L3MBTL1: variants seen among roughly 807,000 people sequenced by gnomAD.
L3MBTL1 encodes L3MBTL histone methyl-lysine binding protein 1, also known as lethal(3)malignant brain tumor-like protein 1.
A neutral mutation model predicts 105.3 loss-of-function variants in L3MBTL1; 75 were observed. The ratio of observed to expected loss-of-function variants is 0.71; its 90% CI spans 0.59 to 0.86. The LOEUF (loss-of-function observed/expected upper bound fraction) is 0.86. L3MBTL1 is among the 40% of genes least tolerant of loss of function. The pLI, the probability that L3MBTL1 is intolerant of heterozygous loss-of-function variation, is 0.00. For synonymous variants in L3MBTL1, 452 were observed against 436.2 expected, an observed-to-expected ratio of 1.04 and a Z score of -0.45; for missense variants, 1,069 against 1,126.4, an observed-to-expected ratio of 0.95 and a Z score of 0.73.
In L3MBTL1 at chr20:43,522,457, G is replaced by GTTTTTTTTTTTTTTTTTTT. The variant is rs1176856356; in HGVS notation, c.863-6187_863-6169dup. Among the ~76,000 whole-genome samples the GTTTTTTTTTTTTTTTTTTT allele has an allele frequency of 2.3e-4, 22 of 95,884 alleles. 1 individual carries two copies. Among genetic ancestry groups the GTTTTTTTTTTTTTTTTTTT allele is most frequent in the East Asian group, 7.5e-4 (2 of 2,654 alleles). 62.9% of individuals were successfully genotyped at this position (95,884 alleles called of 152,430 possible). ...TGGTAACTGAATTTTTCCCTGCTAAGTTTTTTTTTTTTTTTTTTTTTTTTT... is the reference window on the plus strand; with the variant it reads ...TGGTAACTGAATTTTTCCCTGCTAAGTTTTTTTTTTTTTTTTTTTTTTTTTTTTTTTTTTTTTTTTTTTT... On this transcript the variant is annotated intron_variant, in intron 7 of 21. Coordinates refer to ENST00000418998, the MANE Select transcript of L3MBTL1 (RefSeq NM_001377303.1).
chr20:43,538,252 C>T (rs2145485180), intron 19 of L3MBTL1, among the ~76,000 whole-genome samples: 1 of 152,300 alleles, frequency 6.6e-6, no homozygotes, highest in South Asian at 2.1e-4. Context: ...CACTGCAGGA[C>T]CAAGTTCTGA....
At position 43,534,283 on chromosome 20, in the gene L3MBTL1, G is replaced by A; in HGVS notation, c.1600-1G>A. ...CCTGAAGGCAGCTGTCCCCTCTGCA[G>A]CGACCCCCTCACAGCTTCCTGGTCA... On this transcript the variant is annotated splice_acceptor_variant, in intron 14 of 21. Coordinates refer to ENST00000418998, the MANE Select transcript of L3MBTL1 (RefSeq NM_001377303.1). LOFTEE classifies it high-confidence loss of function. The A allele has an allele frequency of 6.2e-7, 1 of 1,613,508 alleles. No individual in the cohort carries two copies. Among genetic ancestry groups the A allele is most frequent in the Non-Finnish European group, 8.5e-7 (1 of 1,179,854 alleles).
intron 7 of L3MBTL1, among the ~76,000 whole-genome samples, chr20:43,521,608 T>C (rs1173024514): frequency 6.6e-6 from 1 of 152,176 alleles, no homozygotes. Context: ...CCTTAGTAAC[T>C]GAAGAGAGCA....
chr20:43,530,595 C>A, intron 10 of L3MBTL1, 176 bp downstream of exon 10: 1 of 787,616 alleles, frequency 1.3e-6, no homozygotes, highest in Non-Finnish European at 2.0e-6. Flanking sequence ...TGACCAGAAG[C>A]CCTAGAACTT....
chr20:43,515,445 G>T (rs1047181187), intron 6 of L3MBTL1, 30 bp downstream of exon 6: 13 of 1,546,414 alleles, frequency 8.4e-6, no homozygotes, highest in Non-Finnish European at 1.1e-5. Context: ...GAAGGGAGGG[G>T]GAAGCTATAG....
chr20:43,521,249 G>T (rs936130101), intron 7 of L3MBTL1, among the ~76,000 whole-genome samples: 1 of 152,200 alleles, frequency 6.6e-6, no homozygotes, highest in African/African-American at 2.4e-5. Context: ...ATGACTGCTT[G>T]TAATTAATTG....
At chr20:43,515,551 GT>G in intron 6 of L3MBTL1, 136 bp downstream of exon 6, 1 of 1,204,790 alleles carries the variant, frequency 8.3e-7, no homozygotes, top group Non-Finnish European at 1.1e-6. Flanking sequence ...ATATTTTGGG[GT>G]CCCATCCTGA....
Position 43,540,733 on chromosome 20 carries a change from T to A in L3MBTL1, c.2332-20T>A. Reference sequence around the variant, plus strand: ...CCTAAGCTCTGTCCCCTGGTCAACATGTCATCTTTGGTTTCCAAGGTCTTC... The same window carrying A: ...CCTAAGCTCTGTCCCCTGGTCAACAAGTCATCTTTGGTTTCCAAGGTCTTC... On this transcript the variant is annotated intron_variant, in intron 20 of 21. Coordinates refer to ENST00000418998, the MANE Select transcript of L3MBTL1 (RefSeq NM_001377303.1). 6.2e-7 allele frequency: 1 copy of A among 1,613,752 alleles called. No homozygotes were observed. The highest frequency in any genetic ancestry group is 8.5e-7 in the Non-Finnish European group (1 of 1,179,806).
chr20:43,548,033 C>T, intron 18 of L3MBTL1: 1 of 1,020,934 alleles, frequency 9.8e-7, no homozygotes, highest in Non-Finnish European at 1.3e-6. Flanking sequence ...CCCATGCACA[C>T]CCCTCCCTTT....
chr20:43,542,841 A>G (rs1352932619), downstream of L3MBTL1, among the ~76,000 whole-genome samples: 1 of 152,114 alleles, frequency 6.6e-6, no homozygotes, highest in Non-Finnish European at 1.5e-5. Flanking sequence ...AGGCTTCTCC[A>G]CGTTGTTATC....
At chr20:43,514,140 G>A (rs2018228568) in intron 3 of L3MBTL1, 79 bp downstream of exon 3, 2 of 1,259,116 alleles carry the variant, frequency 1.6e-6, no homozygotes, top group Admixed American at 4.1e-5. Context: ...GGCTGGACCT[G>A]AGACGGAAGT....
At position 43,514,015 on chromosome 20, in the gene L3MBTL1, T is replaced by C. The variant is rs916818457; in HGVS notation, c.314T>C (p.Leu105Pro). The C allele has an allele frequency of 4.5e-6, 7 of 1,540,566 alleles. No individual in the cohort carries two copies. The African/African-American group carries it at 8.2e-5, about 18-fold the overall frequency. ...ASSSTSTVRL[L>P]EWTEAAAPPP... ...TCCAGCACCAGCACAGTGCGGCTTC[T>C]GGAATGGACAGAGGCCGCGGCCCCG... Residue 105 changes from leucine to proline, a missense_variant, in exon 3 of 22, where the codon CTG becomes CCG. Transcript: ENST00000418998.
chr20:43,533,889 G>A, intron 13 of L3MBTL1, 119 bp from the exon 14 acceptor site: 1 of 750,540 alleles, frequency 1.3e-6, no homozygotes, highest in Non-Finnish European at 2.4e-6. Flanking sequence ...TGTGGTGATG[G>A]TGGGAGAGAT....
At position 43,540,158 on chromosome 20, in the gene L3MBTL1, G is replaced by T. The variant is rs778579008; in HGVS notation, c.2181G>T (p.Thr727=). The change falls in exon 20 of 22, where the codon ACG becomes ACT. Residue 727 remains threonine (T), a synonymous_variant. Coordinates refer to ENST00000418998, the MANE Select transcript of L3MBTL1 (RefSeq NM_001377303.1). ...KIPQEDFQTL[T]PDVVHQSLFM... is the part of the protein sequence containing the mutation. ...TCTGCCTCTGCTTTCCAGCCCTCAC[G>T]CCCGATGTCGTGCACCAGTCCCTCT... 4 of 1,611,668 alleles carry T rather than the reference G, an allele frequency of 2.5e-6. No individual in the cohort carries two copies. The highest frequency in any genetic ancestry group is 2.2e-5 in the East Asian group (1 of 44,876).
chr20:43,533,570 A>T (rs1221091464), intron 13 of L3MBTL1, 152 bp downstream of exon 13: 2 of 637,436 alleles, frequency 3.1e-6, no homozygotes, highest in Non-Finnish European at 5.2e-6. Flanking sequence ...TTGGCCTGGG[A>T]GTTGAGAACC....
At position 43,511,145 on chromosome 20, in the gene L3MBTL1, C is replaced by T. The variant is rs549965144; in HGVS notation, c.-28-2331C>T. Among the ~76,000 whole-genome samples the T allele has an allele frequency of 1.2e-4, 18 of 152,026 alleles. No homozygotes were observed. In the South Asian group the frequency reaches 1.5e-3, roughly 12 times the overall value. On this transcript the variant is annotated intron_variant, in intron 1 of 21. Coordinates refer to ENST00000418998, the MANE Select transcript of L3MBTL1 (RefSeq NM_001377303.1). ...ACTGCAACCTCTACCCTCCACCTCC[C>T]GGGTTCAAGCGATTCTCCTGCCTCA...
chr20:43,527,474 A>G (rs1171724599), intron 7 of L3MBTL1, among the ~76,000 whole-genome samples: 7 of 152,100 alleles, frequency 4.6e-5, no homozygotes, highest in Non-Finnish European at 8.8e-5. Flanking sequence ...AGGAGTATTC[A>G]TCTCCCTCCC....
At chr20:43,536,385 T>C (rs1446004957) in intron 18 of L3MBTL1, 24 bp from the exon 19 acceptor site, 5 of 1,613,882 alleles carry the variant, frequency 3.1e-6, no homozygotes, top group Admixed American at 1.7e-5. Flanking sequence ...TTCCCTGCCA[T>C]GGACCTGGTC....
chr20:43,519,025 CA>C (rs961178190), intron 7 of L3MBTL1, among the ~76,000 whole-genome samples: 6 of 149,062 alleles, frequency 4.0e-5, no homozygotes, highest in South Asian at 2.1e-4. Context: ...GACTCTGTCT[CA>C]GGGGGAAAAA....
Sources: allele counts gnomAD v4.1 joint callset (sites outside exome capture counted in the v4.1 genomes callset), GRCh38; gene constraint gnomAD v4.1.1; transcripts MANE v1.5; gene names NCBI Gene and HGNC (gene_info 2026-07-23, HGNC 2026-07-21).